RALYL: variants seen among roughly 807,000 people sequenced by gnomAD.
RALYL encodes RNA-binding Raly-like protein.
RALYL carries 29 observed loss-of-function variants against 35.1 expected under a neutral mutation model. The ratio of observed to expected loss-of-function variants is 0.83; its 90% CI spans 0.61 to 1.13. The LOEUF (loss-of-function observed/expected upper bound fraction) is 1.13, where lower values mean the gene tolerates loss of function less well. RALYL is among the 50% of genes most tolerant of loss of function. RALYL has a pLI of 0.00. For synonymous variants in RALYL, 120 were observed against 127.6 expected, an observed-to-expected ratio of 0.94 and a Z score of 0.40; for missense variants, 359 against 360.4, an observed-to-expected ratio of 1.00 and a Z score of 0.03.
chr8:84,868,755 T>C (rs1839647108), intron 6 of RALYL, among the ~76,000 whole-genome samples: 1 of 152,158 alleles, frequency 6.6e-6, no homozygotes, highest in African/African-American at 2.4e-5. Flanking sequence ...GGCATAAGTA[T>C]TATGAATACA....
At chr8:84,516,485 G>T (rs1360604444) in intron 1 of RALYL, among the ~76,000 whole-genome samples, 1 of 151,974 alleles carries the variant, frequency 6.6e-6, no homozygotes, top group Non-Finnish European at 1.5e-5. Context: ...ACAGTTTGAA[G>T]CATTTTAAAT....
chr8:84,398,851 G>A (rs1048755828), intron 1 of RALYL, among the ~76,000 whole-genome samples: 8 of 151,872 alleles, frequency 5.3e-5, no homozygotes, highest in African/African-American at 1.2e-4. Context: ...GCATGCGCCC[G>A]TAGTCCCAGC....
chr8:84,209,805 C>A (rs1819014104), intron 1 of RALYL, among the ~76,000 whole-genome samples: 1 of 152,116 alleles, frequency 6.6e-6, no homozygotes, highest in Admixed American at 6.5e-5. Context: ...GTTCTAACAC[C>A]TCTTCATCCC....
rs143637964 is a variant in RALYL at position 84,902,127 on chromosome 8, C to A, written c.858+14351C>A. Among the ~76,000 whole-genome samples the A allele has an allele frequency of 1.9e-3, 286 of 152,198 alleles. 3 individuals carry two copies. The highest frequency in any genetic ancestry group is 6.7e-3 in the African/African-American group (280 of 41,518). On this transcript the variant is annotated intron_variant, in intron 8 of 8. Coordinates refer to ENST00000521268, the MANE Select transcript of RALYL (RefSeq NM_173848.7). ...GAAATACCTAAGACTCGGTAACTTA[C>A]AAAGAAAAGAGGTGTAACTGGCTCA... is the stretch of plus-strand genomic sequence containing the variant.
intron 8 of RALYL, among the ~76,000 whole-genome samples, chr8:84,891,307 C>T (rs1433440677): frequency 6.6e-6 from 1 of 152,160 alleles, no homozygotes; most frequent in Admixed American, 6.5e-5. Flanking sequence ...ATTATCAGTC[C>T]AATTGAACTA....
intron 2 of RALYL, among the ~76,000 whole-genome samples, chr8:84,535,738 T>G (rs1245308694): frequency 6.6e-6 from 1 of 151,802 alleles, no homozygotes; most frequent in Non-Finnish European, 1.5e-5. Flanking sequence ...CCTCCCAAAG[T>G]GCTGGATTAC....
In RALYL at chr8:84,515,363, G is replaced by T. The variant is rs181606763; in HGVS notation, c.-23-13936G>T. ...AGTGGGCACTAGCATGTTTTTGCGTGGAGGAATGTTATATATACTGTCTTA... is the reference window on the plus strand; with the variant it reads ...AGTGGGCACTAGCATGTTTTTGCGTTGAGGAATGTTATATATACTGTCTTA... On this transcript the variant is annotated intron_variant, in intron 1 of 8. Transcript: ENST00000521268. Among the ~76,000 whole-genome samples the T allele has an allele frequency of 1.6e-4, 25 of 152,158 alleles. No homozygotes were observed. The East Asian group carries it at 4.4e-3, about 27-fold the overall frequency.
chr8:84,237,722 C>A (rs547922914), intron 1 of RALYL, among the ~76,000 whole-genome samples: 92 of 152,134 alleles, frequency 6.0e-4, no homozygotes, highest in Non-Finnish European at 1.1e-3. Flanking sequence ...AAAAGTAAGT[C>A]TTTTTTAATC....
intron 1 of RALYL, among the ~76,000 whole-genome samples, chr8:84,264,893 G>A (rs1304723942): frequency 6.6e-6 from 1 of 152,136 alleles, no homozygotes; most frequent in Non-Finnish European, 1.5e-5. Flanking sequence ...GAAAACTGTG[G>A]TAATGTCTAA....
chr8:84,716,315 C>G (rs755383318), intron 2 of RALYL, among the ~76,000 whole-genome samples: 1 of 152,074 alleles, frequency 6.6e-6, no homozygotes, highest in Non-Finnish European at 1.5e-5. Context: ...TGCATACATA[C>G]TACATGGAAT....
intron 2 of RALYL, among the ~76,000 whole-genome samples, chr8:84,568,363 T>C (rs1218613163): frequency 6.6e-6 from 1 of 151,830 alleles, no homozygotes; most frequent in Non-Finnish European, 1.5e-5. Flanking sequence ...TCCGTGTCCC[T>C]ACAAAGGACA....
chr8:84,727,720 G>T (rs1178211782), intron 2 of RALYL, among the ~76,000 whole-genome samples: 1 of 149,084 alleles, frequency 6.7e-6, no homozygotes, highest in Non-Finnish European at 1.5e-5. Context: ...AGAATATGCC[G>T]TGTTTGGTTT....
At position 84,730,407 on chromosome 8, in the gene RALYL, G is replaced by A. The variant is rs544734203; in HGVS notation, c.257-44172G>A. ...TCTCAAAATAATAAGAGCTATCTAT[G>A]ACATACCCACAGCCAATATCATACT... is the stretch of plus-strand genomic sequence containing the variant. On this transcript the variant is annotated intron_variant, in intron 2 of 8. Transcript: ENST00000521268. Among the ~76,000 whole-genome samples the A allele has an allele frequency of 2.0e-5, 3 of 152,232 alleles. No homozygotes were observed. In the East Asian group the frequency reaches 5.8e-4, roughly 29 times the overall value.
At chr8:84,550,079 C>T (rs1462585754) in intron 2 of RALYL, among the ~76,000 whole-genome samples, 3 of 152,078 alleles carry the variant, frequency 2.0e-5, no homozygotes, top group Non-Finnish European at 2.9e-5. Context: ...AGATAGCTAC[C>T]CTTTCTGCTA....
At position 84,841,075 on chromosome 8, in the gene RALYL, C is replaced by G. The variant is rs541885578; in HGVS notation, c.366-8905C>G. On this transcript the variant is annotated intron_variant, in intron 4 of 8. Transcript: ENST00000521268. ...CTGCATCAACTAATGAGCAAAATAA[C>G]CAGCTAACATCATAATGACAGGATC... is the stretch of plus-strand genomic sequence containing the variant. Among the ~76,000 whole-genome samples the G allele has an allele frequency of 3.9e-5, 6 of 152,252 alleles. No individual in the cohort carries two copies. The South Asian group carries it at 1.2e-3, about 32-fold the overall frequency.
intron 2 of RALYL, among the ~76,000 whole-genome samples, chr8:84,667,623 A>G (rs2131755812): frequency 6.6e-6 from 1 of 152,120 alleles, no homozygotes; most frequent in East Asian, 1.9e-4. Context: ...TTTAAAAATT[A>G]ATCTCCTCAG....
At chr8:84,440,043 A>G (rs556643611) in intron 1 of RALYL, among the ~76,000 whole-genome samples, 1 of 152,216 alleles carries the variant, frequency 6.6e-6, no homozygotes, top group East Asian at 1.9e-4. Flanking sequence ...TAATATCTCC[A>G]TATTATTTTA....
At chr8:84,553,271 C>T (rs1311886311) in intron 2 of RALYL, among the ~76,000 whole-genome samples, 1 of 152,136 alleles carries the variant, frequency 6.6e-6, no homozygotes, top group Non-Finnish European at 1.5e-5. Context: ...GAAGGATCTT[C>T]CTGCCTCAGC....
chr8:84,266,107 A>G (rs1296104478), intron 1 of RALYL, among the ~76,000 whole-genome samples: 2 of 152,148 alleles, frequency 1.3e-5, no homozygotes, highest in Non-Finnish European at 2.9e-5. Context: ...GTTTCAACTT[A>G]CATTTATTAT....
Sources: gnomAD v4.1 joint callset for allele counts (sites outside exome capture counted in the v4.1 genomes callset) on GRCh38, gnomAD v4.1.1 for gene constraint, MANE v1.5 for transcripts, NCBI Gene and HGNC (gene_info 2026-07-23, HGNC 2026-07-21) for gene names.